The following SPECC1 variants were observed in gnomAD, a reference collection of about 807,000 sequenced individuals.
The protein encoded by SPECC1 is sperm antigen with calponin homology and coiled-coil domains 1, also known as cytospin-B.
In SPECC1, 62 loss-of-function variants were observed where a neutral mutation model predicts 104.1. The ratio of observed to expected loss-of-function variants is 0.60; its 90% confidence interval spans 0.49 to 0.74. The LOEUF is 0.74. Ranked by LOEUF, SPECC1 falls within the 30% of genes least tolerant of loss-of-function variation. The pLI is 0.00. For synonymous variants in SPECC1, 513 were observed against 501.6 expected, an observed-to-expected ratio of 1.02 and a Z score of -0.30; for missense variants, 1,306 against 1,310.5, an observed-to-expected ratio of 1.00 and a Z score of 0.05.
At chr17:20,142,819 A>G (rs1434707058) in intron 3 of SPECC1, among the ~76,000 whole-genome samples, 3 of 125,174 alleles carry the variant, frequency 2.4e-5, no homozygotes, top group African/African-American at 9.1e-5. Context: ...GTGAAAGCCT[A>G]TCTTTACCAA....
intron 3 of SPECC1, among the ~76,000 whole-genome samples, chr17:20,116,441 C>G (rs895834642): frequency 1.1e-4 from 16 of 151,926 alleles, no homozygotes; most frequent in African/African-American, 3.9e-4. Context: ...AGAAACAGTT[C>G]TATTTATAAA....
At chr17:20,244,691 A>T (rs1440916831) in intron 7 of SPECC1, among the ~76,000 whole-genome samples, 4 of 146,670 alleles carry the variant, frequency 2.7e-5, no homozygotes, top group Admixed American at 2.7e-4. Flanking sequence ...AATGATCAGT[A>T]AATAACTATT....
In SPECC1 at chr17:20,205,308, C is replaced by T; in HGVS notation, c.1259C>T (p.Thr420Met). ...AENEKLVDEK[T>M]ILETSFHQHR... ...AATGAGAAGCTGGTGGATGAAAAGA[C>T]GATTTTAGAGACATCCTTTCATCAG... is the stretch of plus-strand genomic sequence containing the variant. Residue 420 changes from threonine (T) to methionine (M), a missense_variant, in exon 4 of 15, where the codon ACG becomes ATG. Transcript: ENST00000395527. 5 of 1,614,114 alleles carry T rather than the reference C, an allele frequency of 3.1e-6. No homozygotes were observed. Among genetic ancestry groups the T allele is most frequent in the Non-Finnish European group, 3.4e-6 (4 of 1,180,028 alleles).
chr17:20,017,583 C>T (rs542111135), intron 1 of SPECC1: 1 of 152,588 alleles, frequency 6.6e-6, no homozygotes, highest in East Asian at 1.9e-4. Flanking sequence ...CATTCCTGTC[C>T]TCTTACTTCT....
At chr17:20,207,671 C>T (rs573126262) in intron 4 of SPECC1, among the ~76,000 whole-genome samples, 2 of 152,200 alleles carry the variant, frequency 1.3e-5, no homozygotes, top group East Asian at 1.9e-4. Flanking sequence ...AAAGTATTAC[C>T]TTTAATTTCA....
chr17:20,312,159 T>C (rs2142237656), intron 14 of SPECC1, among the ~76,000 whole-genome samples: 1 of 152,346 alleles, frequency 6.6e-6, no homozygotes, highest in South Asian at 2.1e-4. Context: ...CCTCTTCCAT[T>C]TTTTGAAGAG....
At chr17:20,085,860 C>T (rs569606587) in intron 1 of SPECC1, among the ~76,000 whole-genome samples, 9 of 152,370 alleles carry the variant, frequency 5.9e-5, no homozygotes, top group African/African-American at 2.2e-4. Context: ...TCCACCACGA[C>T]TCTGGGTACC....
At position 20,033,112 on chromosome 17, in the gene SPECC1, C is replaced by T. The variant is rs142645578; in HGVS notation, c.-22+23688C>T. ...CCGAGTAGCTGGGATTACAGGCATC[C>T]ACCACCATGCCTGGCTAATTTTTGT... On this transcript the variant is annotated intron_variant, in intron 1 of 14. Coordinates refer to ENST00000395527, the MANE Select transcript of SPECC1 (RefSeq NM_001243439.2). Among the ~76,000 whole-genome samples, 236 of 151,972 alleles carry T rather than the reference C, an allele frequency of 1.6e-3. 1 individual carries two copies. The highest frequency in any genetic ancestry group is 2.4e-3 in the Non-Finnish European group (164 of 67,946).
chr17:20,059,399 G>A (rs1194899227), intron 1 of SPECC1, among the ~76,000 whole-genome samples: 5 of 152,066 alleles, frequency 3.3e-5, no homozygotes, highest in African/African-American at 4.8e-5. Flanking sequence ...CTGATCTGAC[G>A]GGAGGTGAAG....
chr17:20,186,099 A>G (rs2035256102), intron 3 of SPECC1, among the ~76,000 whole-genome samples: 2 of 152,090 alleles, frequency 1.3e-5, no homozygotes, highest in African/African-American at 4.8e-5. Flanking sequence ...CGGCCTCCCA[A>G]AGTGCTGGGA....
At chr17:20,298,938 A>AGTGTGTGT (rs2041449512) in intron 13 of SPECC1, among the ~76,000 whole-genome samples, 1 of 50,490 alleles carries the variant, frequency 2.0e-5, no homozygotes, top group African/African-American at 1.4e-4. Flanking sequence ...AGAGAGAGAG[A>AGTGTGTGT]GAGAGAGAGA....
chr17:20,178,822 T>A (rs966956772), intron 3 of SPECC1, among the ~76,000 whole-genome samples: 3 of 152,208 alleles, frequency 2.0e-5, no homozygotes, highest in African/African-American at 7.2e-5. Flanking sequence ...CTGAGCTGAA[T>A]AAAATGTTAG....
At chr17:20,298,730 A>G (rs1422812191) in intron 13 of SPECC1, among the ~76,000 whole-genome samples, 2 of 151,936 alleles carry the variant, frequency 1.3e-5, no homozygotes, top group Non-Finnish European at 2.9e-5. Context: ...GTCAAAGATG[A>G]CGCCCTGGTG....
chr17:20,029,916 T>C (rs1257066413), intron 1 of SPECC1, among the ~76,000 whole-genome samples: 1 of 152,212 alleles, frequency 6.6e-6, no homozygotes, highest in Non-Finnish European at 1.5e-5. Flanking sequence ...TGCCATAATC[T>C]TTATTATTTT....
intron 3 of SPECC1, among the ~76,000 whole-genome samples, chr17:20,145,042 A>C (rs8066143): frequency 0.57 from 86,682 of 152,024 alleles, 25,350 homozygotes; most frequent in Middle Eastern, 0.62. Context: ...TAAAGATATT[A>C]CATATTTTAT....
At chr17:20,030,894 G>T (rs984031967) in intron 1 of SPECC1, among the ~76,000 whole-genome samples, 1 of 151,658 alleles carries the variant, frequency 6.6e-6, no homozygotes, top group Non-Finnish European at 1.5e-5. Context: ...AACATTTTTT[G>T]AAAAGTTTTG....
At chr17:20,121,832 G>GC (rs1359941700) in intron 3 of SPECC1, among the ~76,000 whole-genome samples, 1 of 152,226 alleles carries the variant, frequency 6.6e-6, no homozygotes, top group Non-Finnish European at 1.5e-5. Context: ...CTTGTCAAAA[G>GC]CACCCACCTT....
At position 20,204,313 on chromosome 17, in the gene SPECC1, T is replaced by A; in HGVS notation, c.284-20T>A. ...AATGCTTGCTTTATTTTTTCATTTTTTTCTTCTTCTGTCTTTAAGGGGCCT... is the reference window on the plus strand; with the variant it reads ...AATGCTTGCTTTATTTTTTCATTTTATTCTTCTTCTGTCTTTAAGGGGCCT... On this transcript the variant is annotated intron_variant, in intron 3 of 14. Coordinates refer to ENST00000395527, the MANE Select transcript of SPECC1 (RefSeq NM_001243439.2). 6.3e-7 allele frequency: 1 copy of A among 1,579,686 alleles called. No individual in the cohort carries two copies. The highest frequency in any genetic ancestry group is 8.6e-7 in the Non-Finnish European group (1 of 1,167,214).
At chr17:20,051,576 G>T (rs959810818) in intron 1 of SPECC1, among the ~76,000 whole-genome samples, 1 of 152,084 alleles carries the variant, frequency 6.6e-6, no homozygotes, top group African/African-American at 2.4e-5. Flanking sequence ...CTGTTTTAGG[G>T]CTTTTTCTTC....
Sources: allele counts gnomAD v4.1 joint callset (sites outside exome capture counted in the v4.1 genomes callset), GRCh38; gene constraint gnomAD v4.1.1; transcripts MANE v1.5; gene names NCBI Gene and HGNC (gene_info 2026-07-23, HGNC 2026-07-21).